Variants in NLRP14 observed in about 807,000 individuals in gnomAD.
The protein encoded by NLRP14 is NLR family pyrin domain containing 14, also known as NACHT, LRR and PYD domains-containing protein 14.
NLRP14 carries 105 observed loss-of-function variants against 94.7 expected under a neutral mutation model. That is an observed-to-expected ratio of 1.11 (90% CI 0.95 to 1.30). NLRP14 has a LOEUF of 1.30. NLRP14 is among the 50% of genes most tolerant of loss of function. The pLI, the probability that NLRP14 is intolerant of heterozygous loss-of-function variation, is 0.00. For missense variants in NLRP14, 1,362 were observed against 1,254.1 expected, an observed-to-expected ratio of 1.09 and a Z score of -1.30; for synonymous variants, 508 against 459.9, an observed-to-expected ratio of 1.10 and a Z score of -1.34.
chr11:7,053,097 A>G (rs892911953), intron 6 of NLRP14, among the ~76,000 whole-genome samples: 4 of 152,210 alleles, frequency 2.6e-5, no homozygotes, highest in African/African-American at 4.8e-5. Flanking sequence ...ATGAGACAGT[A>G]TATTGATTTT....
chr11:7,064,333 G>A (rs1030435233), intron 10 of NLRP14, among the ~76,000 whole-genome samples: 4 of 152,098 alleles, frequency 2.6e-5, no homozygotes, highest in Non-Finnish European at 4.4e-5. Context: ...TATTTTCATA[G>A]TATATAGACA....
chr11:7,029,509 T>C (rs1852061840), intron 1 of NLRP14, among the ~76,000 whole-genome samples: 1 of 152,210 alleles, frequency 6.6e-6, no homozygotes, highest in Admixed American at 6.5e-5. Context: ...GAAGATACAG[T>C]GTTCAATATA....
chr11:7,090,614 A>G, the NLRP14 span: 1 of 410,590 alleles, frequency 2.4e-6, no homozygotes, highest in Non-Finnish European at 4.7e-6. Flanking sequence ...TTCTTGATAA[A>G]TGAGGCAAAC....
downstream of NLRP14, among the ~76,000 whole-genome samples, chr11:7,075,588 C>G (rs1852865682): frequency 6.6e-6 from 1 of 152,122 alleles, no homozygotes; most frequent in Non-Finnish European, 1.5e-5. Context: ...TATAACTGAG[C>G]CTATATTACA....
the NLRP14 span, among the ~76,000 whole-genome samples, chr11:7,077,001 G>A: frequency 2.0e-5 from 3 of 152,202 alleles, no homozygotes; most frequent in Admixed American, 6.5e-5. Flanking sequence ...ATCATGGGAA[G>A]CCCCGCAGAC....
At chr11:7,053,771 C>T (rs1295144327) in intron 6 of NLRP14, among the ~76,000 whole-genome samples, 2 of 152,010 alleles carry the variant, frequency 1.3e-5, no homozygotes, top group Non-Finnish European at 2.9e-5. Context: ...GTATCTATCA[C>T]CTCACGCATT....
At chr11:7,044,113 G>A (rs2119624756) in intron 4 of NLRP14, 129 bp downstream of exon 4, 1 of 914,822 alleles carries the variant, frequency 1.1e-6, no homozygotes, top group East Asian at 2.5e-5. Flanking sequence ...CCATCTTGAG[G>A]CAGGGAGGCT....
chr11:7,044,525 T>C (rs750650713), intron 4 of NLRP14, among the ~76,000 whole-genome samples: 3 of 152,152 alleles, frequency 2.0e-5, no homozygotes, highest in Non-Finnish European at 4.4e-5. Context: ...CTCAGCCCTT[T>C]AATGCCTATC....
intron 1 of NLRP14, among the ~76,000 whole-genome samples, chr11:7,029,609 A>C (rs1178171882): frequency 1.3e-5 from 2 of 152,246 alleles, no homozygotes; most frequent in Admixed American, 1.3e-4. Context: ...TTATACGGAT[A>C]TCTTTCATGG....
intron 10 of NLRP14, among the ~76,000 whole-genome samples, chr11:7,066,141 A>G (rs1852702970): frequency 6.6e-6 from 1 of 152,078 alleles, no homozygotes; most frequent in Admixed American, 6.6e-5. Context: ...TAAGCTTTTG[A>G]TATTGCAAAT....
chr11:7,044,295 A>T (rs12285069), intron 4 of NLRP14, among the ~76,000 whole-genome samples: 7,206 of 152,254 alleles, frequency 0.047, 326 homozygotes, highest in African/African-American at 0.11. Context: ...TTCAGTCTTC[A>T]AGGAGGAATG....
chr11:7,071,206 G>A lies in NLRP14; in HGVS notation c.3180G>A (p.Gln1060=), dbSNP rs1242365856. Residue 1060 remains glutamine (Q), a synonymous_variant, in exon 12 of 12, where the codon CAG becomes CAA. Transcript: ENST00000299481. ...LCKEAFDEEA[Q]KLLEAVGVSN... Reference sequence around the variant, plus strand: ...AAGAGGCATTTGATGAGGAAGCCCAGAAGCTGCTGGAAGCTGTGGGAGTTA... The same window carrying A: ...AAGAGGCATTTGATGAGGAAGCCCAAAAGCTGCTGGAAGCTGTGGGAGTTA... 6.2e-7 allele frequency: 1 copy of A among 1,613,852 alleles called. No individual in the cohort carries two copies. The highest frequency in any genetic ancestry group is 2.2e-5 in the East Asian group (1 of 44,822).
chr11:7,026,078 GCTC>G (rs1182651389), intron 1 of NLRP14, among the ~76,000 whole-genome samples: 1 of 152,102 alleles, frequency 6.6e-6, no homozygotes, highest in African/African-American at 2.4e-5. Context: ...GTTTTTAATT[GCTC>G]TGCATAGGCA....
At chr11:7,075,126 G>A (rs79909733), downstream of NLRP14, among the ~76,000 whole-genome samples, 143 of 152,184 alleles carry the variant, frequency 9.4e-4, 1 homozygote, top group East Asian at 0.013. Context: ...CTGACCTCCC[G>A]TCTCTCCTGA....
At chr11:7,038,972 C>G (rs1197381586) in intron 2 of NLRP14, 97 bp downstream of exon 2, 30 of 1,189,622 alleles carry the variant, frequency 2.5e-5, no homozygotes, top group Non-Finnish European at 3.2e-5. Context: ...AGGGATTAAA[C>G]CATGTTGGGG....
chr11:7,084,729 G>A, the NLRP14 span, among the ~76,000 whole-genome samples: 2 of 152,070 alleles, frequency 1.3e-5, no homozygotes, highest in African/African-American at 2.4e-5. Context: ...ATAATAAGCC[G>A]GAAATGTGTT....
At chr11:7,050,757 T>C (rs1852431504) in intron 6 of NLRP14, among the ~76,000 whole-genome samples, 1 of 152,234 alleles carries the variant, frequency 6.6e-6, no homozygotes, top group Non-Finnish European at 1.5e-5. Flanking sequence ...TGGAAAGTTG[T>C]TGGATAATTC....
At chr11:7,035,429 C>T (rs1293004839) in intron 1 of NLRP14, among the ~76,000 whole-genome samples, 1 of 152,134 alleles carries the variant, frequency 6.6e-6, no homozygotes, top group East Asian at 1.9e-4. Context: ...TATCTAGAGA[C>T]ATTTTTTGTT....
rs533543767 is a variant in NLRP14, at chr11:7,031,683, C to T, written c.-21-6883C>T. On this transcript the variant is annotated intron_variant, in intron 1 of 11. Transcript: ENST00000299481. The stretch of plus-strand genomic sequence containing the variant: ...GCCTCTCTAACCAGGAGCAGGTGTT[C>T]GTCCTTCAGTCTGAAGCTATTCCCG... 1.5e-3 allele frequency among the ~76,000 whole-genome samples: 224 copies of T among 152,192 alleles called. 5 individuals are homozygous for T. The highest frequency in any genetic ancestry group is 0.014 in the Admixed American group (219 of 15,298).
Sources: gnomAD v4.1 joint callset for allele counts (sites outside exome capture counted in the v4.1 genomes callset) on GRCh38, gnomAD v4.1.1 for gene constraint, MANE v1.5 for transcripts, NCBI Gene and HGNC (gene_info 2026-07-23, HGNC 2026-07-21) for gene names.